PIH1D2: variants seen among roughly 807,000 people sequenced by gnomAD.
PIH1D2 encodes the protein PIH1 domain-containing protein 2.
In PIH1D2, 25 loss-of-function variants were observed where a neutral mutation model predicts 31.2. That is an observed-to-expected ratio of 0.80 (90% CI 0.58 to 1.12). The LOEUF (loss-of-function observed/expected upper bound fraction) is 1.12, where lower values mean the gene tolerates loss of function less well. Ranked by LOEUF, PIH1D2 falls within the 50% of genes most tolerant of loss-of-function variation. The probability of loss-of-function intolerance (pLI) is 0.00; values close to 1 mark genes in which losing one functional copy is unlikely to be tolerated. For missense variants in PIH1D2, 310 were observed against 356.6 expected (o/e 0.87, Z 1.05); for synonymous variants, 116 against 119.9 (o/e 0.97, Z 0.21).
At chr11:112,058,330 C>A (rs1193940270), downstream of PIH1D2, among the ~76,000 whole-genome samples, 1 of 152,154 alleles carries the variant, frequency 6.6e-6, no homozygotes, top group Non-Finnish European at 1.5e-5. Context: ...ATTAATGAGT[C>A]ATACACGGTA....
chr11:112,059,051 T>TAA (rs782171316), downstream of PIH1D2, among the ~76,000 whole-genome samples: 872 of 140,228 alleles, frequency 6.2e-3, 4 homozygotes, highest in African/African-American at 0.021. Context: ...TGATATTGTG[T>TAA]AAAAAAAAAA....
chr11:112,066,870 C>T (rs1555183906), downstream of PIH1D2, among the ~76,000 whole-genome samples: 1 of 151,806 alleles, frequency 6.6e-6, no homozygotes, highest in African/African-American at 2.4e-5. Flanking sequence ...CAAGACCAGC[C>T]TGGCCAACAT....
chr11:112,056,830 A>G, the PIH1D2 span, among the ~76,000 whole-genome samples: 1 of 152,154 alleles, frequency 6.6e-6, no homozygotes, highest in Non-Finnish European at 1.5e-5. Flanking sequence ...GTCCTCATCA[A>G]TATTTGTTAC....
the PIH1D2 span, among the ~76,000 whole-genome samples, chr11:112,055,847 A>ATTTTTTTTTTTTTTT: frequency 2.0e-5 from 1 of 49,672 alleles, no homozygotes; most frequent in African/African-American, 7.0e-5. Context: ...GCATATAGAC[A>ATTTTTTTTTTTTTTT]CTTTTTTTTT....
downstream of PIH1D2, chr11:112,060,038 G>C: frequency 6.2e-7 from 1 of 1,613,914 alleles, no homozygotes; most frequent in Non-Finnish European, 8.5e-7. Context: ...AAGCAAGAGA[G>C]GGTAAACTAC....
chr11:112,057,965 AGTGTT>A, the PIH1D2 span, among the ~76,000 whole-genome samples: 2 of 152,210 alleles, frequency 1.3e-5, no homozygotes, highest in Non-Finnish European at 2.9e-5. Context: ...ACAACAGTGT[AGTGTT>A]AAGCATAACT....
At chr11:112,073,869 G>C (rs190240552) in intron 1 of PIH1D2, 111 bp downstream of exon 1, 1 of 152,726 alleles carries the variant, frequency 6.5e-6, no homozygotes, top group Admixed American at 6.5e-5. Context: ...TACTGTGTAA[G>C]GGTTATGCTA....
At chr11:112,068,610 C>T (rs1328768652) in intron 5 of PIH1D2, among the ~76,000 whole-genome samples, 1 of 151,954 alleles carries the variant, frequency 6.6e-6, no homozygotes, top group Non-Finnish European at 1.5e-5. Context: ...ATGGCAAAAC[C>T]CCGTCTCTAC....
chr11:112,061,204 A>T (rs1555183236), downstream of PIH1D2: 2 of 1,613,362 alleles, frequency 1.2e-6, no homozygotes, highest in African/African-American at 2.7e-5. Flanking sequence ...GGAAGTCGTA[A>T]GCTAATTTTT....
the PIH1D2 span, among the ~76,000 whole-genome samples, chr11:112,054,349 T>A: frequency 2.0e-4 from 30 of 151,950 alleles, no homozygotes; most frequent in African/African-American, 6.8e-4. Context: ...TAAATATAAA[T>A]CTATATTTGG....
In PIH1D2 at chr11:112,071,667, A is replaced by G. The variant is rs782003044; in HGVS notation, c.269T>C (p.Val90Ala). 6.2e-7 allele frequency: 1 copy of G among 1,613,802 alleles called. No individual in the cohort carries two copies. The highest frequency in any genetic ancestry group is 1.7e-5 in the Admixed American group (1 of 60,022). ...QSTTHPVPLT[V>A]GKPEDTTEIS... The stretch of plus-strand genomic sequence containing the variant: ...CTCAGTTGTATCTTCTGGTTTGCCA[A>G]CAGTTAGAGGTACTGGATGAGTGGT... The change falls in exon 3 of 6, where the codon GTT becomes GCT. Residue 90 changes from valine (V) to alanine (A), a missense_variant. Physicochemically the swap from Val to Ala is moderately conservative, Grantham distance 64. Transcript: ENST00000280350.
chr11:112,073,314 G>C, intron 1 of PIH1D2, 109 bp from the exon 2 acceptor site: 1 of 691,076 alleles, frequency 1.4e-6, no homozygotes, highest in Admixed American at 3.1e-5. Flanking sequence ...AGTTAGGACA[G>C]CATTTGTGTC....
downstream of PIH1D2, among the ~76,000 whole-genome samples, chr11:112,066,387 T>C (rs1398202492): frequency 6.6e-6 from 1 of 152,194 alleles, no homozygotes; most frequent in Non-Finnish European, 1.5e-5. Flanking sequence ...ACGTCTGTAA[T>C]GTCAGCACTT....
the PIH1D2 span, among the ~76,000 whole-genome samples, chr11:112,055,848 CTTTTTTTTTTTTTTTTTT>C: frequency 2.3e-3 from 72 of 31,982 alleles, 2 homozygotes; most frequent in East Asian, 5.2e-3. Context: ...CATATAGACA[CTTTTTTTTTTTTTTTTTT>C]TTTTTTTTTT....
chr11:112,059,275 T>C (rs1864362694), downstream of PIH1D2, among the ~76,000 whole-genome samples: 1 of 151,896 alleles, frequency 6.6e-6, no homozygotes, highest in African/African-American at 2.4e-5. Flanking sequence ...TGCATTCACG[T>C]GTCGGTCAAG....
At chr11:112,058,390 C>T (rs1864248149), downstream of PIH1D2, among the ~76,000 whole-genome samples, 1 of 152,162 alleles carries the variant, frequency 6.6e-6, no homozygotes, top group South Asian at 2.1e-4. Context: ...CAAAATCCTG[C>T]TCTAGCCAAC....
At chr11:112,058,447 G>T (rs964147564), downstream of PIH1D2, among the ~76,000 whole-genome samples, 6 of 152,116 alleles carry the variant, frequency 3.9e-5, no homozygotes, top group Non-Finnish European at 8.8e-5. Context: ...TTTGGAGCTT[G>T]TGCCTAGAAA....
downstream of PIH1D2, chr11:112,062,552 TA>T: frequency 6.2e-7 from 1 of 1,611,864 alleles, no homozygotes; most frequent in Non-Finnish European, 8.5e-7. Flanking sequence ...CAAGAATTTC[TA>T]AACTCTCCCA....
At position 112,070,540 on chromosome 11, in the gene PIH1D2, G is replaced by A; in HGVS notation, c.709C>T (p.Leu237=). The change falls in exon 5 of 6, where the codon CTA becomes TTA. Residue 237 remains leucine (L), a synonymous_variant. Coordinates refer to ENST00000280350, the MANE Select transcript of PIH1D2 (RefSeq NM_138789.4). ...TCACTGTGATCATGCACAATTTTTA[G>A]TTCATAGGCTGGCATCTTCATCTCC... ...QVEMKMPAYE[L]KIVHDHSEKP... 1 of 1,614,112 alleles carries A rather than the reference G, an allele frequency of 6.2e-7. No individual in the cohort carries two copies. Among genetic ancestry groups the A allele is most frequent in the Non-Finnish European group, 8.5e-7 (1 of 1,180,008 alleles).
Sources: allele counts gnomAD v4.1 joint callset (sites outside exome capture counted in the v4.1 genomes callset), GRCh38; gene constraint gnomAD v4.1.1; transcripts MANE v1.5; gene names NCBI Gene and HGNC (gene_info 2026-07-23, HGNC 2026-07-21).